ITGA9: variants seen among roughly 807,000 people sequenced by gnomAD.
The protein encoded by ITGA9 is integrin subunit alpha 9.
Under a neutral mutation model 127.8 loss-of-function variants are expected in ITGA9, and 56 were observed. That is an observed-to-expected ratio of 0.44 (90% CI 0.35 to 0.55). The LOEUF (loss-of-function observed/expected upper bound fraction) is 0.55, where lower values mean the gene tolerates loss of function less well. Among genes scored for constraint, ITGA9 ranks in the 20% least tolerant of loss-of-function variants. The probability of loss-of-function intolerance (pLI) is 0.00; values close to 1 mark genes in which losing one functional copy is unlikely to be tolerated. For missense variants in ITGA9, 1,196 were observed against 1,347.1 expected (o/e 0.89, Z 1.76); for synonymous variants, 508 against 514.5 (o/e 0.99, Z 0.17).
chr3:37,808,562 G>C (rs915854436), intron 27 of ITGA9: 6 of 152,204 alleles, frequency 3.9e-5, no homozygotes, highest in Non-Finnish European at 7.3e-5. Flanking sequence ...TAGCTATGCT[G>C]CATACAAACT....
chr3:37,603,265 A>G (rs543265792), intron 15 of ITGA9, among the ~76,000 whole-genome samples: 1 of 152,356 alleles, frequency 6.6e-6, no homozygotes, highest in Non-Finnish European at 1.5e-5. Context: ...GGATGGTTGC[A>G]TCTGTACTGA....
At chr3:37,732,435 A>AT (rs1696303509) in intron 18 of ITGA9, among the ~76,000 whole-genome samples, 1 of 152,142 alleles carries the variant, frequency 6.6e-6, no homozygotes, top group Non-Finnish European at 1.5e-5. Context: ...CAGCTCAGCC[A>AT]TGGCCCAGCC....
At position 37,818,920 on chromosome 3, in the gene ITGA9, A is replaced by C; in HGVS notation, c.3039A>C (p.Glu1013Asp). Reference protein sequence around the residue: ...KMGFFRRRYKEIIEAEKNRKE... With the variant: ...KMGFFRRRYKDIIEAEKNRKE... ...GCTTCTTTCGCCGAAGGTACAAAGA[A>C]ATTATCGAAGCTGAGAAGAACCGGA... The change falls in exon 28 of 28, where the codon GAA becomes GAC. Residue 1013 changes from glutamate (E) to aspartate (D), a missense_variant. Transcript: ENST00000264741. 1.2e-6 allele frequency: 2 copies of C among 1,614,200 alleles called. No homozygotes were observed. Among genetic ancestry groups the C allele is most frequent in the Non-Finnish European group, 1.7e-6 (2 of 1,180,010 alleles).
At chr3:37,500,126 C>T (rs549012851) in intron 5 of ITGA9, among the ~76,000 whole-genome samples, 21 of 152,284 alleles carry the variant, frequency 1.4e-4, no homozygotes, top group African/African-American at 4.8e-4. Context: ...TTTCCAAGCT[C>T]AAGGCCAGGA....
intron 23 of ITGA9, among the ~76,000 whole-genome samples, chr3:37,773,269 C>T (rs978285259): frequency 6.6e-6 from 1 of 152,212 alleles, no homozygotes; most frequent in Non-Finnish European, 1.5e-5. Context: ...TTCTGTTTCT[C>T]TAAACCCAGA....
At position 37,496,035 on chromosome 3, in the gene ITGA9, G is replaced by C. The variant is rs547093746; in HGVS notation, c.612+1467G>C. On this transcript the variant is annotated intron_variant, in intron 5 of 27. Coordinates refer to ENST00000264741, the MANE Select transcript of ITGA9 (RefSeq NM_002207.3). The stretch of plus-strand genomic sequence containing the variant: ...AGCTGGGGAAGGGCATGGGACATGG[G>C]GGGTGGAGGGAGGATGAAGGGTGCT... 9.2e-5 allele frequency among the ~76,000 whole-genome samples: 14 copies of C among 152,260 alleles called. 1 individual carries two copies. The South Asian group carries it at 1.9e-3, about 20-fold the overall frequency.
chr3:37,458,884 G>A (rs1485723028), intron 1 of ITGA9, among the ~76,000 whole-genome samples: 3 of 152,252 alleles, frequency 2.0e-5, no homozygotes, highest in Admixed American at 6.5e-5. Flanking sequence ...TCAGAAGAAA[G>A]GAGCTCTGCT....
intron 6 of ITGA9, among the ~76,000 whole-genome samples, chr3:37,505,466 G>T (rs1266664324): frequency 6.6e-6 from 1 of 152,238 alleles, no homozygotes; most frequent in Non-Finnish European, 1.5e-5. Context: ...CGATGTGGAT[G>T]AATGTCACAG....
At chr3:37,699,770 C>T (rs578162516) in intron 18 of ITGA9, among the ~76,000 whole-genome samples, 9 of 152,270 alleles carry the variant, frequency 5.9e-5, no homozygotes, top group Admixed American at 5.9e-4. Flanking sequence ...CCTCAGTGGC[C>T]TCCTTCTGTT....
intron 18 of ITGA9, among the ~76,000 whole-genome samples, chr3:37,695,301 T>A (rs1390314786): frequency 6.6e-5 from 10 of 152,160 alleles, no homozygotes; most frequent in Non-Finnish European, 1.5e-5. Flanking sequence ...GAAGCCACAG[T>A]GTGCATGTAA....
intron 23 of ITGA9, among the ~76,000 whole-genome samples, chr3:37,756,278 C>A (rs1304481320): frequency 6.6e-6 from 1 of 152,060 alleles, no homozygotes; most frequent in African/African-American, 2.4e-5. Flanking sequence ...AAATATATTT[C>A]AGAGTGTTAA....
intron 15 of ITGA9, among the ~76,000 whole-genome samples, chr3:37,622,378 C>T (rs555115515): frequency 9.5e-4 from 144 of 152,062 alleles, no homozygotes; most frequent in African/African-American, 2.8e-3. Flanking sequence ...TGTGAGCCAC[C>T]GTGCCCAGCC....
rs148150915 is a variant in ITGA9 at position 37,558,297 on chromosome 3, C to T, written c.1689+15712C>T. On this transcript the variant is annotated intron_variant, in intron 15 of 27. Transcript: ENST00000264741. ...AAGTCTGGTCCATGCCTTCAGCCCACCAGCATGTGTTGAGTACCTGTTGGG... is the reference window on the plus strand; with the variant it reads ...AAGTCTGGTCCATGCCTTCAGCCCATCAGCATGTGTTGAGTACCTGTTGGG... Among the ~76,000 whole-genome samples the T allele has an allele frequency of 1.4e-4, 21 of 152,284 alleles. No individual in the cohort carries two copies. In the East Asian group the frequency reaches 3.3e-3, roughly 24 times the overall value.
rs536796593 is a variant in ITGA9 at position 37,567,336 on chromosome 3, C to T, written c.1689+24751C>T. 2.0e-5 allele frequency among the ~76,000 whole-genome samples: 3 copies of T among 152,298 alleles called. No individual in the cohort carries two copies. In the South Asian group the frequency reaches 6.2e-4, roughly 32 times the overall value. On this transcript the variant is annotated intron_variant, in intron 15 of 27. Transcript: ENST00000264741. The stretch of plus-strand genomic sequence containing the variant: ...CCATCCCCATGATTCAACTACCTCC[C>T]ACTGGGTCCCTCCCATGACAGTGAG...
At chr3:37,520,086 C>A (rs1327189970) in intron 11 of ITGA9, among the ~76,000 whole-genome samples, 2 of 152,206 alleles carry the variant, frequency 1.3e-5, no homozygotes, top group African/African-American at 4.8e-5. Context: ...ATGCTGACTA[C>A]TTCCTACTCA....
At chr3:37,595,972 A>G (rs561833442) in intron 15 of ITGA9, among the ~76,000 whole-genome samples, 1 of 152,320 alleles carries the variant, frequency 6.6e-6, no homozygotes, top group Admixed American at 6.5e-5. Context: ...CAGGTCAGTC[A>G]AGCATTTACT....
intron 15 of ITGA9, among the ~76,000 whole-genome samples, chr3:37,569,648 A>T (rs1699581627): frequency 6.6e-6 from 1 of 152,318 alleles, no homozygotes; most frequent in South Asian, 2.1e-4. Context: ...CTGAAATCTG[A>T]AATGTCCCAA....
intron 27 of ITGA9, among the ~76,000 whole-genome samples, chr3:37,816,876 T>C (rs569453182): frequency 6.6e-6 from 1 of 152,316 alleles, no homozygotes; most frequent in East Asian, 1.9e-4. Flanking sequence ...TTCTGCTCTT[T>C]CCCAGTCATT....
intron 26 of ITGA9, among the ~76,000 whole-genome samples, chr3:37,792,719 C>T (rs1490042001): frequency 2.0e-5 from 3 of 152,134 alleles, no homozygotes; most frequent in Non-Finnish European, 2.9e-5. Flanking sequence ...CTTTAAAAAT[C>T]GTAGGCCACT....
Sources: allele counts gnomAD v4.1 joint callset (sites outside exome capture counted in the v4.1 genomes callset), GRCh38; gene constraint gnomAD v4.1.1; transcripts MANE v1.5; gene names NCBI Gene and HGNC (gene_info 2026-07-23, HGNC 2026-07-21).